LRRC7: variants seen among roughly 807,000 people sequenced by gnomAD.
LRRC7 encodes leucine-rich repeat-containing protein 7.
LRRC7 carries 23 observed loss-of-function variants against 175.7 expected under a neutral mutation model. The ratio of observed to expected loss-of-function variants is 0.13; its 90% confidence interval spans 0.09 to 0.19. The LOEUF (loss-of-function observed/expected upper bound fraction) is 0.19, where lower values mean the gene tolerates loss of function less well. Ranked by LOEUF, LRRC7 falls within the 10% of genes least tolerant of loss-of-function variation. The probability of loss-of-function intolerance (pLI) is 1.00; values close to 1 mark genes in which losing one functional copy is unlikely to be tolerated. For missense variants in LRRC7, 1,354 were observed against 1,904.7 expected, an observed-to-expected ratio of 0.71 and a Z score of 5.38; for synonymous variants, 685 against 680.9, an observed-to-expected ratio of 1.01 and a Z score of -0.09.
rs575505455 is a variant in LRRC7, at chr1:69,922,778, A to G, written c.648-8729A>G. 5.9e-5 allele frequency among the ~76,000 whole-genome samples: 9 copies of G among 151,894 alleles called. No homozygotes were observed. The South Asian group carries it at 1.0e-3, about 18-fold the overall frequency. On this transcript the variant is annotated intron_variant, in intron 7 of 26. Transcript: ENST00000651989. ...AATTGGTCATAGCATCCACCTCGAA[A>G]TACTATTCTTTTTTTTAATTTTTTT... is the stretch of plus-strand genomic sequence containing the variant.
At chr1:69,941,539 T>G (rs1458379127) in intron 8 of LRRC7, among the ~76,000 whole-genome samples, 1 of 151,788 alleles carries the variant, frequency 6.6e-6, no homozygotes, top group Non-Finnish European at 1.5e-5. Context: ...ATCTTTAAAC[T>G]ATAGCTAGAA....
chr1:69,699,183 C>A (rs1213185128), intron 2 of LRRC7, among the ~76,000 whole-genome samples: 1 of 152,140 alleles, frequency 6.6e-6, no homozygotes, highest in Non-Finnish European at 1.5e-5. Context: ...ACTTACCTGG[C>A]TAGAGGACTT....
At chr1:70,071,674 T>C (rs1450909140) in intron 23 of LRRC7, among the ~76,000 whole-genome samples, 2 of 152,222 alleles carry the variant, frequency 1.3e-5, no homozygotes, top group Non-Finnish European at 2.9e-5. Flanking sequence ...AGAACTCTTT[T>C]GGATTTAATT....
Position 70,039,811 on chromosome 1 carries a change from C to A in LRRC7, c.3969+18C>A. The A allele has an allele frequency of 1.3e-6, 2 of 1,548,806 alleles. No homozygotes were observed. The highest frequency in any genetic ancestry group is 1.7e-6 in the Non-Finnish European group (2 of 1,151,962). On this transcript the variant is annotated intron_variant, in intron 21 of 26. Coordinates refer to ENST00000651989, the MANE Select transcript of LRRC7 (RefSeq NM_001370785.2). Reference sequence around the variant, plus strand: ...TAGACAGGGTATGTCTGGTGTTTCTCTGTAAGAATATCCCTCCTGCCTTTA... The same window carrying A: ...TAGACAGGGTATGTCTGGTGTTTCTATGTAAGAATATCCCTCCTGCCTTTA...
At chr1:69,618,932 A>G (rs1773341) in intron 1 of LRRC7, among the ~76,000 whole-genome samples, 19,528 of 152,206 alleles carry the variant, frequency 0.13, 1,599 homozygotes, top group South Asian at 0.19. Flanking sequence ...TTAATGACCA[A>G]TATTTTAATT....
chr1:69,951,909 AC>A (rs1470812784), intron 8 of LRRC7, among the ~76,000 whole-genome samples: 1 of 152,016 alleles, frequency 6.6e-6, no homozygotes, highest in African/African-American at 2.4e-5. Context: ...CTTCAAGTGT[AC>A]CCCCTAACCT....
rs1248674822 is a variant in LRRC7, at chr1:70,124,407, A to G, written c.*2520A>G. Among the ~76,000 whole-genome samples the G allele has an allele frequency of 6.6e-6, 1 of 152,086 alleles. No individual in the cohort carries two copies. Among genetic ancestry groups the G allele is most frequent in the Non-Finnish European group, 1.5e-5 (1 of 68,008 alleles). ...CATGGTGGCGGGCACCTATAATCCC[A>G]GCTATTTGGGAGGCTGAGGCATGAG... On this transcript the variant is annotated 3_prime_UTR_variant, in exon 27 of 27. Transcript: ENST00000651989.
chr1:70,072,748 A>C (rs1216731922), intron 23 of LRRC7, among the ~76,000 whole-genome samples: 1 of 152,264 alleles, frequency 6.6e-6, no homozygotes, highest in Non-Finnish European at 1.5e-5. Context: ...TATTTGCTTA[A>C]CTGTAAAGGT....
chr1:69,594,678 A>C (rs1265730466), intron 1 of LRRC7, among the ~76,000 whole-genome samples: 1 of 152,204 alleles, frequency 6.6e-6, no homozygotes, highest in East Asian at 1.9e-4. Context: ...ATACTAGTCC[A>C]GATCCTCATA....
intron 7 of LRRC7, among the ~76,000 whole-genome samples, chr1:69,921,365 T>C (rs973724908): frequency 1.3e-5 from 2 of 152,062 alleles, no homozygotes; most frequent in Non-Finnish European, 2.9e-5. Context: ...ACACACTTTT[T>C]CCTAATATAA....
intron 7 of LRRC7, among the ~76,000 whole-genome samples, chr1:69,861,539 C>G (rs1212423395): frequency 6.6e-6 from 1 of 152,100 alleles, no homozygotes; most frequent in African/African-American, 2.4e-5. Flanking sequence ...ACAAGTCCAG[C>G]CTACAGAGAC....
chr1:69,691,366 C>T (rs1661832889), intron 2 of LRRC7, among the ~76,000 whole-genome samples: 1 of 151,920 alleles, frequency 6.6e-6, no homozygotes, highest in African/African-American at 2.4e-5. Context: ...TCTGTTTCTT[C>T]CCCAGTGAGT....
intron 7 of LRRC7, among the ~76,000 whole-genome samples, chr1:69,908,228 A>AT: frequency 6.6e-6 from 1 of 152,074 alleles, no homozygotes; most frequent in Non-Finnish European, 1.5e-5. Flanking sequence ...GGATTCATTA[A>AT]TTTTTTGAAG....
intron 25 of LRRC7, among the ~76,000 whole-genome samples, chr1:70,094,668 A>T (rs1407196469): frequency 6.6e-6 from 1 of 152,188 alleles, no homozygotes; most frequent in Non-Finnish European, 1.5e-5. Flanking sequence ...TTTTTACATG[A>T]TTAATATTAA....
intron 7 of LRRC7, among the ~76,000 whole-genome samples, chr1:69,860,947 C>T (rs1202481638): frequency 6.6e-6 from 1 of 151,856 alleles, no homozygotes; most frequent in East Asian, 1.9e-4. Context: ...CTGAAATAAT[C>T]TTAGAGTTTA....
intron 3 of LRRC7, among the ~76,000 whole-genome samples, chr1:69,783,588 TA>T (rs572342113): frequency 6.6e-6 from 1 of 151,638 alleles, no homozygotes. Context: ...CTGTCTCTAC[TA>T]AAAATACAAA....
chr1:69,861,612 T>A (rs554279288), intron 7 of LRRC7, among the ~76,000 whole-genome samples: 8 of 152,118 alleles, frequency 5.3e-5, no homozygotes, highest in Non-Finnish European at 8.8e-5. Context: ...AAAGTTGAGT[T>A]CATCCAAGGA....
At chr1:69,657,495 C>T (rs1656821148) in intron 1 of LRRC7, among the ~76,000 whole-genome samples, 1 of 151,780 alleles carries the variant, frequency 6.6e-6, no homozygotes, top group African/African-American at 2.4e-5. Flanking sequence ...TCCCAAGGAT[C>T]CTCTTCATCC....
intron 2 of LRRC7, among the ~76,000 whole-genome samples, chr1:69,750,957 C>T (rs560543680): frequency 1.4e-4 from 21 of 152,186 alleles, no homozygotes; most frequent in African/African-American, 5.1e-4. Context: ...TATGCTAATG[C>T]ATATGGGATT....
Sources: gnomAD v4.1 joint callset for allele counts (sites outside exome capture counted in the v4.1 genomes callset) on GRCh38, gnomAD v4.1.1 for gene constraint, MANE v1.5 for transcripts, NCBI Gene and HGNC (gene_info 2026-07-23, HGNC 2026-07-21) for gene names.